IWS1: variants seen among roughly 807,000 people sequenced by gnomAD.
IWS1 encodes the protein protein IWS1 homolog.
Under a neutral mutation model 86.7 loss-of-function variants are expected in IWS1, and 27 were observed. The observed-to-expected ratio is 0.31, with a 90% CI of 0.23 to 0.43. The LOEUF (loss-of-function observed/expected upper bound fraction) is 0.43, where lower values mean the gene tolerates loss of function less well. Among genes scored for constraint, IWS1 ranks in the 20% least tolerant of loss-of-function variants. The pLI is 1.00. For synonymous variants in IWS1, 313 were observed against 335.1 expected (o/e 0.93, Z 0.72); for missense variants, 827 against 1,000.8 (o/e 0.83, Z 2.34).
chr2:127,483,571 C>CGGGGGGGGGGGGGGGGGG (rs1419283644), intron 13 of IWS1, among the ~76,000 whole-genome samples: 10 of 20,170 alleles, frequency 5.0e-4, no homozygotes, highest in African/African-American at 1.2e-3. Flanking sequence ...ATAATTTGGT[C>CGGGGGGGGGGGGGGGGGG]GGGGCGGGGG....
chr2:127,498,228 G>C lies in IWS1; in HGVS notation c.1477C>G (p.Gln493Glu). ...CCTTTTTCTTCTTCCAGATCTTCTT[G>C]GTTAAAACCCTAAATGCAAAATTAT... The part of the protein sequence containing the change: ...EEEEEFTGFN[Q>E]EDLEEEKGET... Residue 493 changes from glutamine to glutamate, a missense_variant, in exon 6 of 14, where the codon CAA becomes GAA. Coordinates refer to ENST00000295321, the MANE Select transcript of IWS1 (RefSeq NM_017969.3). 1 of 1,600,278 alleles carries C rather than the reference G, an allele frequency of 6.2e-7. No individual in the cohort carries two copies. Among genetic ancestry groups the C allele is most frequent in the Non-Finnish European group, 8.6e-7 (1 of 1,168,508 alleles).
At position 127,483,580 on chromosome 2, in the gene IWS1, G is replaced by GGT. The variant is rs1553431204; in HGVS notation, c.2329-2406_2329-2405insAC. 7.6e-5 allele frequency among the ~76,000 whole-genome samples: 4 copies of GGT among 52,926 alleles called. 1 individual carries two copies. Among genetic ancestry groups the GGT allele is most frequent in the Admixed American group, 2.5e-4 (1 of 4,070 alleles). The allele number at this position is 52,926 out of a possible 152,430, so 34.7% of individuals were successfully genotyped here. A position where few individuals can be genotyped will look rare whatever the true frequency, so the allele number is the denominator to read the frequency against. ...AAAATTATAATTTGGTCGGGGCGGG[G>GGT]GGTGGTGGGGTGGGGGGGTTGGGCT... On this transcript the variant is annotated intron_variant, in intron 13 of 13. Transcript: ENST00000295321.
At chr2:127,514,278 CG>C (rs1394671690) in intron 2 of IWS1, 2 of 154,444 alleles carry the variant, frequency 1.3e-5, no homozygotes, top group Non-Finnish European at 2.9e-5. Flanking sequence ...TGCTCACTCT[CG>C]GTTGTCCGTG....
chr2:127,494,970 A>G lies in IWS1; in HGVS notation c.1717-16T>C, dbSNP rs142701149. On this transcript the variant is annotated splice_polypyrimidine_tract_variant and intron_variant, in intron 7 of 13. Transcript: ENST00000295321. ...GTCTGTCTTCCTATTCAGAAAAAAA[A>G]TAAAGATTTTTTTTTAAAACAGTAC... 2,742 of 1,521,182 alleles carry G rather than the reference A, an allele frequency of 1.8e-3. 47 individuals are homozygous for G. The African/African-American group carries it at 0.034, about 19-fold the overall frequency. 94.2% of individuals were successfully genotyped at this position (1,521,182 alleles called of 1,614,324 possible).
At chr2:127,520,593 C>G (rs1236817272) in intron 2 of IWS1, among the ~76,000 whole-genome samples, 1 of 152,168 alleles carries the variant, frequency 6.6e-6, no homozygotes, top group African/African-American at 2.4e-5. Context: ...AACATTAATA[C>G]AGAACTCAAC....
intron 13 of IWS1, among the ~76,000 whole-genome samples, chr2:127,483,483 A>T (rs979180273): frequency 2.7e-5 from 4 of 150,808 alleles, no homozygotes; most frequent in African/African-American, 7.3e-5. Flanking sequence ...AGCAAATTAT[A>T]TTCAGGATAG....
At chr2:127,493,947 A>T (rs936706563) in intron 8 of IWS1, among the ~76,000 whole-genome samples, 9 of 152,152 alleles carry the variant, frequency 5.9e-5, no homozygotes, top group African/African-American at 1.9e-4. Context: ...CCTGCCACAG[A>T]TAGTTTCCCC....
rs371708299 is a variant in IWS1 at position 127,525,896 on chromosome 2, C to G, written c.34+279G>C. ...ACTCTCTTAACAGAAGACACCTCTC[C>G]TTCCCTGCACACAATAGGAGCTTAA... is the stretch of plus-strand genomic sequence containing the variant. On this transcript the variant is annotated intron_variant, in intron 1 of 13. Transcript: ENST00000295321. 7.2e-5 allele frequency among the ~76,000 whole-genome samples: 11 copies of G among 152,380 alleles called. No individual in the cohort carries two copies. The East Asian group carries it at 1.9e-3, about 27-fold the overall frequency.
chr2:127,507,740 C>A (rs1691218151), intron 2 of IWS1, among the ~76,000 whole-genome samples: 1 of 152,154 alleles, frequency 6.6e-6, no homozygotes, highest in South Asian at 2.1e-4. Flanking sequence ...GCAGAATGGT[C>A]TCCAGAACAT....
At chr2:127,500,847 C>G (rs191830265) in intron 5 of IWS1, among the ~76,000 whole-genome samples, 64 of 152,188 alleles carry the variant, frequency 4.2e-4, no homozygotes, top group Admixed American at 1.5e-3. Flanking sequence ...ACTTTCCCCC[C>G]CTATTAGTTT....
At chr2:127,509,274 G>A (rs1446299816) in intron 2 of IWS1, among the ~76,000 whole-genome samples, 1 of 152,082 alleles carries the variant, frequency 6.6e-6, no homozygotes, top group East Asian at 1.9e-4. Flanking sequence ...CCAAAAGACA[G>A]TTTTTTAAAA....
At chr2:127,501,873 C>T (rs1690836058) in intron 5 of IWS1, 2 of 152,144 alleles carry the variant, frequency 1.3e-5, no homozygotes, top group Admixed American at 1.3e-4. Flanking sequence ...TTTTTAATTT[C>T]AGTTACTGTA....
intron 2 of IWS1, chr2:127,514,374 C>T (rs533336492): frequency 6.5e-6 from 1 of 154,658 alleles, no homozygotes; most frequent in East Asian, 1.9e-4. Context: ...CACTGTACCC[C>T]TCCCTCCCGC....
intron 2 of IWS1, among the ~76,000 whole-genome samples, chr2:127,519,577 TA>T (rs56303014): frequency 0.3 from 44,945 of 149,058 alleles, 8,059 homozygotes; most frequent in East Asian, 0.57. Flanking sequence ...ATGAGGGGTT[TA>T]AAAAAAAAAA....
intron 2 of IWS1, among the ~76,000 whole-genome samples, chr2:127,506,313 A>G (rs1285852957): frequency 1.3e-5 from 2 of 152,172 alleles, no homozygotes; most frequent in Non-Finnish European, 2.9e-5. Flanking sequence ...GGTTGCAGTG[A>G]GCTGAGATTG....
intron 13 of IWS1, among the ~76,000 whole-genome samples, 157 bp from the exon 14 acceptor site, chr2:127,481,332 T>C (rs1465473517): frequency 1.3e-5 from 2 of 152,208 alleles, no homozygotes; most frequent in Non-Finnish European, 1.5e-5. Flanking sequence ...AAAGCAAGTA[T>C]AGATGGTGTT....
chr2:127,505,167 G>C lies in IWS1; in HGVS notation c.736C>G (p.Arg246Gly). 6.2e-7 allele frequency: 1 copy of C among 1,612,036 alleles called. No homozygotes were observed. The highest frequency in any genetic ancestry group is 8.5e-7 in the Non-Finnish European group (1 of 1,178,440). Reference protein sequence around the residue: ...DSENEELPKPRISDSESEDPP... With the variant: ...DSENEELPKPGISDSESEDPP... ...TCCTCACTTTCTGAGTCACTGATAC[G>C]AGGTTTGGGAAGCTCCTCATTTTCA... is the stretch of plus-strand genomic sequence containing the variant. The change falls in exon 3 of 14, where the codon CGT becomes GGT. Residue 246 changes from arginine to glycine, a missense_variant. Transcript: ENST00000295321. The surrounding 1 kb of genome is among the most constrained non-coding windows in gnomAD (Gnocchi z 5.0).
intron 12 of IWS1, 60 bp from the exon 13 acceptor site, chr2:127,486,724 G>A: frequency 7.8e-7 from 1 of 1,283,150 alleles, no homozygotes; most frequent in East Asian, 2.3e-5. Flanking sequence ...GGGGCACATA[G>A]GCCATTTCAC....
chr2:127,519,473 T>TTG (rs113667162), intron 2 of IWS1, among the ~76,000 whole-genome samples: 1,823 of 150,030 alleles, frequency 0.012, 27 homozygotes, highest in African/African-American at 0.035. Context: ...ATCTTAAAGA[T>TTG]TGTGTGTGTG....
Sources: allele counts gnomAD v4.1 joint callset (sites outside exome capture counted in the v4.1 genomes callset), GRCh38; gene constraint gnomAD v4.1.1; non-coding constraint Gnocchi (gnomAD v3.1); transcripts MANE v1.5; gene names NCBI Gene and HGNC (gene_info 2026-07-23, HGNC 2026-07-21).